The following NKAIN2 variants were observed in gnomAD, a reference collection of about 807,000 sequenced individuals.
NKAIN2 encodes the protein sodium/potassium transporting ATPase interacting 2.
A neutral mutation model predicts 32.6 loss-of-function variants in NKAIN2; 14 were observed. The observed-to-expected ratio is 0.43, with a 90% CI of 0.28 to 0.67. The LOEUF (loss-of-function observed/expected upper bound fraction) is 0.67. NKAIN2 is among the 30% of genes least tolerant of loss of function. NKAIN2 has a pLI of 0.17. For synonymous variants in NKAIN2, 80 were observed against 87.2 expected (o/e 0.92, Z 0.46); for missense variants, 198 against 258.3 (o/e 0.77, Z 1.60).
At chr6:123,812,122 C>G (rs1773502497) in intron 1 of NKAIN2, among the ~76,000 whole-genome samples, 1 of 152,074 alleles carries the variant, frequency 6.6e-6, no homozygotes, top group Non-Finnish European at 1.5e-5. Flanking sequence ...TAAACCTCTG[C>G]TTAATTCCAT....
chr6:124,557,311 A>G (rs1454231885), intron 3 of NKAIN2, among the ~76,000 whole-genome samples: 2 of 152,216 alleles, frequency 1.3e-5, no homozygotes, highest in South Asian at 2.1e-4. Flanking sequence ...AGTACAAAAA[A>G]GTAGAGATTT....
intron 1 of NKAIN2, among the ~76,000 whole-genome samples, chr6:124,189,407 A>T (rs577938342): frequency 3.4e-4 from 52 of 152,072 alleles, no homozygotes; most frequent in African/African-American, 9.6e-4. Flanking sequence ...ATTCATGTTT[A>T]AAAAAAATGC....
chr6:124,584,082 G>T (rs954309409), intron 3 of NKAIN2, among the ~76,000 whole-genome samples: 3 of 152,094 alleles, frequency 2.0e-5, no homozygotes, highest in Non-Finnish European at 4.4e-5. Flanking sequence ...CATTGGCCTA[G>T]GCAAAGATTT....
intron 6 of NKAIN2, among the ~76,000 whole-genome samples, chr6:124,820,189 C>T (rs1414115043): frequency 6.6e-6 from 1 of 152,182 alleles, no homozygotes; most frequent in Non-Finnish European, 1.5e-5. Context: ...CCTTCACACT[C>T]TTTACCATTC....
intron 3 of NKAIN2, among the ~76,000 whole-genome samples, chr6:124,408,272 A>G (rs1299962409): frequency 6.6e-6 from 1 of 152,150 alleles, no homozygotes; most frequent in Non-Finnish European, 1.5e-5. Context: ...GTCCTTGCCC[A>G]TGCCTATGTC....
At chr6:124,005,995 CT>C (rs1182035896) in intron 1 of NKAIN2, among the ~76,000 whole-genome samples, 1 of 152,170 alleles carries the variant, frequency 6.6e-6, no homozygotes, top group Non-Finnish European at 1.5e-5. Context: ...ACTTGCCCTG[CT>C]CATTCATCCT....
intron 1 of NKAIN2, among the ~76,000 whole-genome samples, chr6:123,832,224 C>G (rs889799801): frequency 6.6e-6 from 1 of 152,188 alleles, no homozygotes; most frequent in African/African-American, 2.4e-5. Flanking sequence ...TGGAATCATA[C>G]AATATGTAGC....
At chr6:123,838,842 G>GAA (rs1424841963) in intron 1 of NKAIN2, among the ~76,000 whole-genome samples, 3 of 152,130 alleles carry the variant, frequency 2.0e-5, no homozygotes, top group Non-Finnish European at 4.4e-5. Context: ...CTGTATGCTA[G>GAA]AAAAAGGCAA....
chr6:124,463,538 G>A (rs1776618980), intron 3 of NKAIN2, among the ~76,000 whole-genome samples: 1 of 151,926 alleles, frequency 6.6e-6, no homozygotes, highest in Non-Finnish European at 1.5e-5. Flanking sequence ...TCCCTCAAGT[G>A]TTCTACCACC....
At chr6:124,239,616 G>A (rs1163765564) in intron 1 of NKAIN2, among the ~76,000 whole-genome samples, 1 of 152,124 alleles carries the variant, frequency 6.6e-6, no homozygotes, top group Non-Finnish European at 1.5e-5. Context: ...CAACTACATG[G>A]AAACTGAACA....
intron 1 of NKAIN2, among the ~76,000 whole-genome samples, chr6:124,122,170 C>T (rs1351145366): frequency 6.6e-6 from 1 of 152,012 alleles, no homozygotes; most frequent in Non-Finnish European, 1.5e-5. Context: ...CTTAAAGTCA[C>T]CCATAATAGC....
intron 3 of NKAIN2, among the ~76,000 whole-genome samples, chr6:124,392,977 C>T (rs1773209434): frequency 6.6e-6 from 1 of 152,052 alleles, no homozygotes; most frequent in African/African-American, 2.4e-5. Context: ...TGCACTCCAG[C>T]CTGGATGACA....
intron 4 of NKAIN2, among the ~76,000 whole-genome samples, chr6:124,703,979 C>T (rs1225337726): frequency 6.6e-6 from 1 of 151,758 alleles, no homozygotes; most frequent in Non-Finnish European, 1.5e-5. Flanking sequence ...AAATAAAGAA[C>T]TAACTAAATT....
chr6:123,831,280 A>G (rs1774366043), intron 1 of NKAIN2, among the ~76,000 whole-genome samples: 1 of 151,776 alleles, frequency 6.6e-6, no homozygotes, highest in South Asian at 2.1e-4. Flanking sequence ...TTTTATATAT[A>G]TAATGTATAT....
chr6:124,303,214 A>G (rs963963656), intron 2 of NKAIN2, among the ~76,000 whole-genome samples: 2 of 152,384 alleles, frequency 1.3e-5, no homozygotes, highest in Admixed American at 6.5e-5. Context: ...TTAATTTTAA[A>G]TAGATTTTAA....
chr6:123,953,186 T>A (rs1417679156), intron 1 of NKAIN2, among the ~76,000 whole-genome samples: 1 of 152,028 alleles, frequency 6.6e-6, no homozygotes, highest in Non-Finnish European at 1.5e-5. Context: ...GCTTAAGGTG[T>A]GGTTGTTAGT....
intron 3 of NKAIN2, among the ~76,000 whole-genome samples, chr6:124,537,391 G>A (rs986682922): frequency 1.3e-5 from 2 of 152,138 alleles, no homozygotes; most frequent in Non-Finnish European, 2.9e-5. Flanking sequence ...GGTGAAAGCT[G>A]GTTGTTAGTG....
rs545953995 is a variant in NKAIN2, at chr6:124,726,382, T to C, written c.475-64957T>C. ...ATCTGAGAACGGGCAGACTGCCTCC[T>C]CAAGTGGGTCCCTGACCCATGACCC... is the stretch of plus-strand genomic sequence containing the variant. On this transcript the variant is annotated intron_variant, in intron 4 of 6. Transcript: ENST00000368417. Among the ~76,000 whole-genome samples the C allele has an allele frequency of 3.8e-3, 584 of 151,762 alleles. 5 individuals carry two copies. The highest frequency in any genetic ancestry group is 0.013 in the African/African-American group (555 of 41,502).
At chr6:124,747,158 C>T (rs768629420) in intron 4 of NKAIN2, among the ~76,000 whole-genome samples, 233 of 151,778 alleles carry the variant, frequency 1.5e-3, no homozygotes, top group Non-Finnish European at 2.5e-3. Context: ...TTTTGCAGGA[C>T]ACAGTCACCC....
Sources: allele counts gnomAD v4.1 joint callset (sites outside exome capture counted in the v4.1 genomes callset), GRCh38; gene constraint gnomAD v4.1.1; transcripts MANE v1.5; gene names NCBI Gene and HGNC (gene_info 2026-07-23, HGNC 2026-07-21).